Variants in EFNA5 observed in about 807,000 individuals in gnomAD.
The protein encoded by EFNA5 is ephrin A5, also known as ephrin-A5.
Under a neutral mutation model 22.9 loss-of-function variants are expected in EFNA5, and 5 were observed. The ratio of observed to expected loss-of-function variants is 0.22; its 90% CI spans 0.11 to 0.46. The LOEUF (loss-of-function observed/expected upper bound fraction) is 0.46, where lower values mean the gene tolerates loss of function less well. Among genes scored for constraint, EFNA5 ranks in the 20% least tolerant of loss-of-function variants. The pLI is 0.99. For synonymous variants in EFNA5, 113 were observed against 112.2 expected (o/e 1.01, Z -0.04); for missense variants, 237 against 293.3 (o/e 0.81, Z 1.40).
chr5:107,591,941 TATTATATATAATA>T (rs1749352641), intron 1 of EFNA5, among the ~76,000 whole-genome samples: 1 of 21,124 alleles, frequency 4.7e-5, no homozygotes, highest in Non-Finnish European at 7.3e-5. Flanking sequence ...ATAATATATA[TATTATATATAATA>T]TATAATATAT....
chr5:107,422,409 A>T (rs1307829289), intron 2 of EFNA5, among the ~76,000 whole-genome samples: 2 of 152,238 alleles, frequency 1.3e-5, no homozygotes, highest in Non-Finnish European at 2.9e-5. Context: ...AGGAAAAATA[A>T]AGCACAGTAA....
In EFNA5 at chr5:107,448,723, G is replaced by T. The variant is rs551449965; in HGVS notation, c.126-21214C>A. On this transcript the variant is annotated intron_variant, in intron 1 of 4. Coordinates refer to ENST00000333274, the MANE Select transcript of EFNA5 (RefSeq NM_001962.3). Reference sequence around the variant, plus strand: ...TGTGCGCCTGTAATCCCAGCTACTTGAGAGGCTGAGGCAGGAGAATTGCTT... The same window carrying T: ...TGTGCGCCTGTAATCCCAGCTACTTTAGAGGCTGAGGCAGGAGAATTGCTT... Among the ~76,000 whole-genome samples, 37 of 151,874 alleles carry T rather than the reference G, an allele frequency of 2.4e-4. 1 individual carries two copies. The South Asian group carries it at 7.3e-3, about 30-fold the overall frequency.
At chr5:107,497,089 T>C (rs996739843) in intron 1 of EFNA5, among the ~76,000 whole-genome samples, 2 of 152,220 alleles carry the variant, frequency 1.3e-5, no homozygotes, top group African/African-American at 4.8e-5. Context: ...TTAAGACAAT[T>C]TGGGCCTAGA....
rs1326733997 is a variant in EFNA5, at chr5:107,660,269, T to TATATAA, written c.125+10219_125+10220insTTATAT. On this transcript the variant is annotated intron_variant, in intron 1 of 4. Coordinates refer to ENST00000333274, the MANE Select transcript of EFNA5 (RefSeq NM_001962.3). ...CTCTGAGATGGCAAAAACATATATA[T>TATATAA]ATATATATATATATATATATATATA... Among the ~76,000 whole-genome samples the TATATAA allele has an allele frequency of 2.9e-3, 72 of 24,960 alleles. 2 individuals carry two copies. The highest frequency in any genetic ancestry group is 3.3e-3 in the Non-Finnish European group (48 of 14,726). The allele number at this position is 24,960 out of a possible 152,430, so 16.4% of individuals were successfully genotyped here.
At chr5:107,483,511 G>A (rs945926430) in intron 1 of EFNA5, among the ~76,000 whole-genome samples, 7 of 152,054 alleles carry the variant, frequency 4.6e-5, no homozygotes, top group African/African-American at 1.4e-4. Flanking sequence ...AATAGAGCCT[G>A]GATAAATCTC....
chr5:107,521,456 CTATATA>C (rs56039409), intron 1 of EFNA5, among the ~76,000 whole-genome samples: 1 of 124,412 alleles, frequency 8.0e-6, no homozygotes, highest in African/African-American at 3.2e-5. Flanking sequence ...CCACACCTGG[CTATATA>C]TATATATATA....
chr5:107,480,275 T>C (rs1464517585), intron 1 of EFNA5, among the ~76,000 whole-genome samples: 1 of 152,238 alleles, frequency 6.6e-6, no homozygotes, highest in Non-Finnish European at 1.5e-5. Context: ...TAAAACAGTA[T>C]ACACTTTTAT....
chr5:107,427,178 G>T (rs1362030038), intron 2 of EFNA5, 39 bp downstream of exon 2: 9 of 1,611,126 alleles, frequency 5.6e-6, no homozygotes, highest in Non-Finnish European at 7.6e-6. Context: ...CTGGGTTCTT[G>T]CAGCTGCCCT....
intron 1 of EFNA5, among the ~76,000 whole-genome samples, chr5:107,582,425 A>G (rs1239492091): frequency 6.6e-6 from 1 of 152,222 alleles, no homozygotes; most frequent in Non-Finnish European, 1.5e-5. Context: ...TAAGTGATTC[A>G]ATAAATGTTT....
intron 1 of EFNA5, among the ~76,000 whole-genome samples, chr5:107,529,432 T>G (rs1747765060): frequency 6.6e-6 from 1 of 152,138 alleles, no homozygotes; most frequent in African/African-American, 2.4e-5. Context: ...TCACCATGCC[T>G]GCACACTGTC....
rs1364447676 is a variant in EFNA5 at position 107,379,925 on chromosome 5, A to C, written c.*1330T>G. 1 of 152,206 alleles carries C rather than the reference A, an allele frequency of 6.6e-6. No homozygotes were observed. The highest frequency in any genetic ancestry group is 1.5e-5 in the Non-Finnish European group (1 of 68,030). The allele number at this position is 152,206 out of a possible 1,614,324, so 9.4% of individuals were successfully genotyped here. A position where few individuals can be genotyped will look rare whatever the true frequency, so the allele number is the denominator to read the frequency against. On this transcript the variant is annotated 3_prime_UTR_variant, in exon 5 of 5. Coordinates refer to ENST00000333274, the MANE Select transcript of EFNA5 (RefSeq NM_001962.3). ...TGGATTTTTAAAAAAATATTTTGTT[A>C]AAGTCTTTGGGACTCCATCTTGTTT...
At chr5:107,430,449 T>A (rs2112424438) in intron 1 of EFNA5, among the ~76,000 whole-genome samples, 1 of 152,240 alleles carries the variant, frequency 6.6e-6, no homozygotes, top group African/African-American at 2.4e-5. Context: ...CATTTGGCAC[T>A]GCTCAAAGTG....
intron 1 of EFNA5, among the ~76,000 whole-genome samples, chr5:107,647,119 A>C (rs1320771003): frequency 1.3e-5 from 2 of 152,164 alleles, no homozygotes; most frequent in African/African-American, 4.8e-5. Flanking sequence ...AATGAAATAT[A>C]GTTGATAAGA....
intron 1 of EFNA5, among the ~76,000 whole-genome samples, chr5:107,641,231 G>C (rs1205145799): frequency 6.6e-6 from 1 of 151,888 alleles, no homozygotes; most frequent in Non-Finnish European, 1.5e-5. Flanking sequence ...GGTGGTACGT[G>C]CCTGTAGTCC....
At chr5:107,485,800 T>C (rs1319729800) in intron 1 of EFNA5, among the ~76,000 whole-genome samples, 1 of 152,144 alleles carries the variant, frequency 6.6e-6, no homozygotes, top group African/African-American at 2.4e-5. Flanking sequence ...CAGATAAAGT[T>C]CTCCACGGGT....
chr5:107,450,728 T>C (rs1318820128), intron 1 of EFNA5, among the ~76,000 whole-genome samples: 1 of 152,240 alleles, frequency 6.6e-6, no homozygotes, highest in African/African-American at 2.4e-5. Context: ...TAAGAGACGC[T>C]GGGGGTGTTT....
At chr5:107,399,372 G>A (rs1748026299) in intron 2 of EFNA5, among the ~76,000 whole-genome samples, 1 of 76,738 alleles carries the variant, frequency 1.3e-5, no homozygotes, top group South Asian at 3.5e-4. Flanking sequence ...AAGGAAGGAG[G>A]GAGGAAGGAA....
chr5:107,448,870 TA>T (rs572968203), intron 1 of EFNA5, among the ~76,000 whole-genome samples: 73 of 113,054 alleles, frequency 6.5e-4, no homozygotes, highest in African/African-American at 1.9e-3. Flanking sequence ...AATAAATAAA[TA>T]AAATAAAATA....
chr5:107,592,748 T>TGCAA (rs1749402895), intron 1 of EFNA5, among the ~76,000 whole-genome samples: 1 of 152,080 alleles, frequency 6.6e-6, no homozygotes, highest in Non-Finnish European at 1.5e-5. Context: ...GAGCAGTGCT[T>TGCAA]GCAGTGGAGC....
Sources: gnomAD v4.1 joint callset for allele counts (sites outside exome capture counted in the v4.1 genomes callset) on GRCh38, gnomAD v4.1.1 for gene constraint, MANE v1.5 for transcripts, NCBI Gene and HGNC (gene_info 2026-07-23, HGNC 2026-07-21) for gene names.